Variants in TGFBI observed in about 807,000 individuals in gnomAD.
TGFBI encodes transforming growth factor beta induced.
A neutral mutation model predicts 73.7 loss-of-function variants in TGFBI; 50 were observed. The ratio of observed to expected loss-of-function variants is 0.68; its 90% CI spans 0.54 to 0.86. TGFBI has a LOEUF of 0.86. Ranked by LOEUF, TGFBI falls within the 40% of genes least tolerant of loss-of-function variation. The probability of loss-of-function intolerance (pLI) is 0.00; values close to 1 mark genes in which losing one functional copy is unlikely to be tolerated. For missense variants in TGFBI, 839 were observed against 877.0 expected (o/e 0.96, Z 0.55); for synonymous variants, 362 against 360.5 (o/e 1.00, Z -0.05).
chr5:136,061,697 C>T (rs1365754191), intron 15 of TGFBI, 118 bp downstream of exon 15: 17 of 810,536 alleles, frequency 2.1e-5, no homozygotes, highest in Admixed American at 1.4e-4. Flanking sequence ...TCTCTTAAAA[C>T]TTCTCCCCAC....
At chr5:136,044,187 A>T (rs1751386937) in intron 3 of TGFBI, 65 bp downstream of exon 3, 2 of 1,401,928 alleles carry the variant, frequency 1.4e-6, no homozygotes, top group South Asian at 2.4e-5. Flanking sequence ...AGAGAGGAGT[A>T]CCCACATAAA....
At chr5:136,029,387 G>C (rs892245564) in intron 1 of TGFBI, among the ~76,000 whole-genome samples, 198 bp downstream of exon 1, 1 of 152,228 alleles carries the variant, frequency 6.6e-6, no homozygotes, top group Non-Finnish European at 1.5e-5. Flanking sequence ...ACCATGGAGG[G>C]AAAGCGGGAG....
chr5:136,037,170 C>T (rs900831765), intron 2 of TGFBI, among the ~76,000 whole-genome samples: 2 of 152,214 alleles, frequency 1.3e-5, no homozygotes, highest in Non-Finnish European at 2.9e-5. Flanking sequence ...GTCAAGCTGA[C>T]ATATGGACTT....
intron 6 of TGFBI, chr5:136,048,776 G>GT (rs1751481489): frequency 1.3e-5 from 2 of 152,760 alleles, no homozygotes; most frequent in Admixed American, 1.3e-4. Context: ...GGAGAGGCCA[G>GT]TGGGTGAGGT....
rs567087074 is a variant in TGFBI at position 136,030,205 on chromosome 5, G to C, written c.134+1016G>C. On this transcript the variant is annotated intron_variant, in intron 1 of 16. Transcript: ENST00000442011. ...CAGAGGAAGCCTAAATACCATCGGGGTCTGGCGTTCACACCCACAAGCAAT... is the reference window on the plus strand; with the variant it reads ...CAGAGGAAGCCTAAATACCATCGGGCTCTGGCGTTCACACCCACAAGCAAT... 2.6e-5 allele frequency among the ~76,000 whole-genome samples: 4 copies of C among 152,190 alleles called. No individual in the cohort carries two copies. In the East Asian group the frequency reaches 7.7e-4, roughly 29 times the overall value.
intron 2 of TGFBI, among the ~76,000 whole-genome samples, chr5:136,038,091 A>G (rs1047213569): frequency 1.3e-5 from 2 of 152,178 alleles, no homozygotes; most frequent in African/African-American, 4.8e-5. Flanking sequence ...GAGATTGGAC[A>G]TACACCAAAC....
At position 136,061,667 on chromosome 5, in the gene TGFBI, C is replaced by T. The variant is rs757216823; in HGVS notation, c.1986+88C>T. 17 of 1,091,594 alleles carry T rather than the reference C, an allele frequency of 1.6e-5. No individual in the cohort carries two copies. The South Asian group carries it at 1.9e-4, about 12-fold the overall frequency. 67.6% of individuals were successfully genotyped at this position (1,091,594 alleles called of 1,614,324 possible). A position where few individuals can be genotyped will look rare whatever the true frequency, so the allele number is the denominator to read the frequency against. On this transcript the variant is annotated intron_variant, in intron 15 of 16. Coordinates refer to ENST00000442011, the MANE Select transcript of TGFBI (RefSeq NM_000358.3). ...GAGGAGCCTCTCCAGCCCCTGTCTTCCTTGGCTGCTCCCCAGGGCTCTCTT... is the reference window on the plus strand; with the variant it reads ...GAGGAGCCTCTCCAGCCCCTGTCTTTCTTGGCTGCTCCCCAGGGCTCTCTT...
At chr5:136,047,211 C>A in intron 5 of TGFBI, 63 bp from the exon 6 acceptor site, 1 of 1,596,554 alleles carries the variant, frequency 6.3e-7, no homozygotes. Context: ...TTTTCTCCTC[C>A]CGGGGCTTTG....
At chr5:136,039,185 G>A (rs1267899501) in intron 2 of TGFBI, among the ~76,000 whole-genome samples, 1 of 152,202 alleles carries the variant, frequency 6.6e-6, no homozygotes, top group Non-Finnish European at 1.5e-5. Context: ...TAAACAGTAA[G>A]CATCTGTTAA....
chr5:136,034,793 G>A (rs1232241327), intron 2 of TGFBI, among the ~76,000 whole-genome samples: 1 of 152,178 alleles, frequency 6.6e-6, no homozygotes, highest in East Asian at 1.9e-4. Context: ...AGGAAGATGT[G>A]TATGACAAAT....
chr5:136,032,297 T>C (rs1355357238), intron 1 of TGFBI, among the ~76,000 whole-genome samples: 1 of 152,112 alleles, frequency 6.6e-6, no homozygotes, highest in Non-Finnish European at 1.5e-5. Context: ...TCATTGTCCC[T>C]CCTGGGCCCA....
chr5:136,046,524 C>A (rs1179224574), intron 4 of TGFBI, 29 bp downstream of exon 4: 3 of 1,576,916 alleles, frequency 1.9e-6, no homozygotes, highest in African/African-American at 1.3e-5. Flanking sequence ...GCCCGGGGGA[C>A]TCTTATGGGG....
intron 1 of TGFBI, among the ~76,000 whole-genome samples, chr5:136,030,720 CT>C (rs1385503935): frequency 6.6e-6 from 1 of 152,156 alleles, no homozygotes; most frequent in Admixed American, 6.5e-5. Context: ...GTCTCTCTGC[CT>C]TTCCTGCCAA....
intron 15 of TGFBI, among the ~76,000 whole-genome samples, chr5:136,061,933 G>A (rs907845651): frequency 1.1e-4 from 16 of 152,224 alleles, no homozygotes; most frequent in Non-Finnish European, 2.1e-4. Flanking sequence ...CCTGCCCTGA[G>A]CCGGGGCCTC....
At position 136,046,858 on chromosome 5, in the gene TGFBI, T is replaced by G; in HGVS notation, c.467T>G (p.Leu156Arg). ...EAWASLPAEV[L>R]DSLVSNVNIE... ...CCCTGTCCTTCCTCCTAGGAAGTGC[T>G]GGACTCCCTGGTCAGCAATGTCAAC... is the stretch of plus-strand genomic sequence containing the variant. The change falls in exon 5 of 17, where the codon CTG (leucine) becomes CGG (arginine). Residue 156 changes from leucine (L) to arginine (R), a missense_variant. Coordinates refer to ENST00000442011, the MANE Select transcript of TGFBI (RefSeq NM_000358.3). 6.2e-7 allele frequency: 1 copy of G among 1,613,260 alleles called. No individual in the cohort carries two copies. The highest frequency in any genetic ancestry group is 1.1e-5 in the South Asian group (1 of 90,970).
At chr5:136,036,400 A>G (rs1751221635) in intron 2 of TGFBI, among the ~76,000 whole-genome samples, 1 of 152,258 alleles carries the variant, frequency 6.6e-6, no homozygotes, top group Non-Finnish European at 1.5e-5. Flanking sequence ...ATTATTTGAT[A>G]TAAAACTTCT....
At chr5:136,029,799 C>T (rs992234572) in intron 1 of TGFBI, among the ~76,000 whole-genome samples, 4 of 152,236 alleles carry the variant, frequency 2.6e-5, no homozygotes, top group African/African-American at 9.6e-5. Context: ...GGCCCTCACA[C>T]ACACTGTTCA....
intron 16 of TGFBI, 22 bp from the exon 17 acceptor site, chr5:136,063,164 G>C (rs369133692): frequency 6.2e-7 from 1 of 1,611,938 alleles, no homozygotes; most frequent in Non-Finnish European, 8.5e-7. Flanking sequence ...CCTATTTGAC[G>C]TTACCAACTT....
chr5:136,049,299 T>A, intron 6 of TGFBI, 140 bp from the exon 7 acceptor site: 1 of 1,175,332 alleles, frequency 8.5e-7, no homozygotes, highest in Non-Finnish European at 1.2e-6. Context: ...ATGGGTGAGC[T>A]TGGGTTTGGC....
Sources: allele counts gnomAD v4.1 joint callset (sites outside exome capture counted in the v4.1 genomes callset), GRCh38; gene constraint gnomAD v4.1.1; transcripts MANE v1.5; gene names NCBI Gene and HGNC (gene_info 2026-07-23, HGNC 2026-07-21).